The following PRKG1 variants were observed in gnomAD, a reference collection of about 807,000 sequenced individuals.
PRKG1 encodes cGMP-dependent protein kinase 1.
Under a neutral mutation model 88.1 loss-of-function variants are expected in PRKG1, and 35 were observed. The ratio of observed to expected loss-of-function variants is 0.40; its 90% CI spans 0.30 to 0.53. The LOEUF is 0.53. Among genes scored for constraint, PRKG1 ranks in the 20% least tolerant of loss-of-function variants. PRKG1 has a pLI of 0.59. For synonymous variants in PRKG1, 303 were observed against 292.5 expected (o/e 1.04, Z -0.37); for missense variants, 540 against 839.8 (o/e 0.64, Z 4.41).
intron 2 of PRKG1, among the ~76,000 whole-genome samples, chr10:51,367,432 T>C (rs1206923314): frequency 6.6e-6 from 1 of 151,976 alleles, no homozygotes; most frequent in Non-Finnish European, 1.5e-5. Context: ...AATGTGCGTA[T>C]GTACAAATGC....
intron 3 of PRKG1, among the ~76,000 whole-genome samples, chr10:51,520,486 C>T (rs996183738): frequency 2.9e-4 from 44 of 151,838 alleles, no homozygotes; most frequent in African/African-American, 1.0e-3. Context: ...GCATGAGGAA[C>T]GCAGGGCAGT....
At chr10:52,097,622 T>C (rs1208134670) in intron 7 of PRKG1, among the ~76,000 whole-genome samples, 1 of 152,126 alleles carries the variant, frequency 6.6e-6, no homozygotes, top group Non-Finnish European at 1.5e-5. Flanking sequence ...CTCAGTTCAT[T>C]AACATCTTCT....
chr10:51,995,050 T>C (rs1030224271), intron 5 of PRKG1, among the ~76,000 whole-genome samples: 2 of 150,786 alleles, frequency 1.3e-5, no homozygotes, highest in African/African-American at 4.8e-5. Context: ...TTAATATTCA[T>C]ACAAACTAGA....
intron 1 of PRKG1, among the ~76,000 whole-genome samples, chr10:51,098,723 C>T (rs1844604676): frequency 6.6e-6 from 1 of 152,210 alleles, no homozygotes; most frequent in African/African-American, 2.4e-5. Flanking sequence ...CCATGAAGGA[C>T]TCTTTACAAG....
intron 4 of PRKG1, among the ~76,000 whole-genome samples, chr10:51,881,828 A>C (rs569356291): frequency 6.6e-6 from 1 of 152,336 alleles, no homozygotes; most frequent in Non-Finnish European, 1.5e-5. Flanking sequence ...AGTCTTCACA[A>C]CAATATAATG....
In PRKG1 at chr10:52,251,905, A is replaced by G. The variant is rs10824300; in HGVS notation, c.1173+239A>G. ...CTTGCTTTTTAGAAAACCTCTTCAT[A>G]TTAAGTGTAAGGTAAACACATTTAC... On this transcript the variant is annotated intron_variant, in intron 10 of 17. Coordinates refer to ENST00000373980, the MANE Select transcript of PRKG1 (RefSeq NM_006258.4). The G allele has an allele frequency of 0.52, 210,144 of 400,648 alleles. 58,731 individuals carry two copies. The highest frequency in any genetic ancestry group is 0.61 in the Non-Finnish European group (135,433 of 222,556). The allele number at this position is 400,648 out of a possible 1,614,324, so 24.8% of individuals were successfully genotyped here.
At chr10:51,636,922 A>G (rs1050397675) in intron 3 of PRKG1, among the ~76,000 whole-genome samples, 6 of 152,182 alleles carry the variant, frequency 3.9e-5, no homozygotes, top group African/African-American at 1.2e-4. Context: ...ATTCTTGACT[A>G]GAGAGAATAA....
intron 3 of PRKG1, among the ~76,000 whole-genome samples, chr10:51,600,205 ATAC>A (rs1473957054): frequency 1.3e-5 from 2 of 152,100 alleles, no homozygotes; most frequent in African/African-American, 4.8e-5. Flanking sequence ...CCAAGTATTT[ATAC>A]CTCTGCCTTA....
intron 3 of PRKG1, among the ~76,000 whole-genome samples, chr10:51,756,495 A>AAAAT (rs1837866110): frequency 6.6e-6 from 1 of 151,326 alleles, no homozygotes; most frequent in Non-Finnish European, 1.5e-5. Context: ...AAAAAAAAAA[A>AAAAT]AAAAAGTCAG....
In PRKG1 at chr10:51,384,813, CT is replaced by C. The variant is rs1467371568; in HGVS notation, c.479-82908del. On this transcript the variant is annotated intron_variant, in intron 2 of 17. Transcript: ENST00000373980. ...TATTTCCATGGAATTCCCCGTAGCT[CT>C]TATAATGATACCAACTACACATGAA... Among the ~76,000 whole-genome samples the C allele has an allele frequency of 2.6e-5, 4 of 152,252 alleles. No homozygotes were observed. In the East Asian group the frequency reaches 7.7e-4, roughly 29 times the overall value.
At chr10:52,147,938 G>GA (rs1391503674) in intron 8 of PRKG1, among the ~76,000 whole-genome samples, 5 of 152,162 alleles carry the variant, frequency 3.3e-5, no homozygotes, top group Admixed American at 2.0e-4. Context: ...ATGACACTGA[G>GA]AAAAATGATG....
intron 14 of PRKG1, among the ~76,000 whole-genome samples, chr10:52,285,284 A>G (rs1230416060): frequency 6.6e-6 from 1 of 152,136 alleles, no homozygotes; most frequent in Non-Finnish European, 1.5e-5. Context: ...AGTGATTGGC[A>G]TTTATTGGAC....
chr10:51,386,834 C>A (rs1259869026), intron 2 of PRKG1, among the ~76,000 whole-genome samples: 1 of 152,076 alleles, frequency 6.6e-6, no homozygotes, highest in Non-Finnish European at 1.5e-5. Flanking sequence ...ACCACAAAGT[C>A]TTTGTGTTGG....
chr10:52,150,591 TG>T (rs910183938), intron 8 of PRKG1, among the ~76,000 whole-genome samples: 2 of 152,202 alleles, frequency 1.3e-5, no homozygotes, highest in African/African-American at 4.8e-5. Flanking sequence ...AATTATTTTT[TG>T]GGAAAAGTAT....
rs140977850 is a variant in PRKG1, at chr10:52,099,970, C to T, written c.936-33870C>T. ...TCATTATTCTTATTTATTTTATTATCGATGATGACAATGCTAGTATTCTTA... is the reference window on the plus strand; with the variant it reads ...TCATTATTCTTATTTATTTTATTATTGATGATGACAATGCTAGTATTCTTA... On this transcript the variant is annotated intron_variant, in intron 7 of 17. Transcript: ENST00000373980. Among the ~76,000 whole-genome samples the T allele has an allele frequency of 5.6e-3, 853 of 152,260 alleles. 5 individuals carry two copies. The highest frequency in any genetic ancestry group is 0.02 in the African/African-American group (816 of 41,538).
At chr10:52,240,476 A>G (rs1287352341) in intron 9 of PRKG1, among the ~76,000 whole-genome samples, 1 of 152,190 alleles carries the variant, frequency 6.6e-6, no homozygotes, top group Non-Finnish European at 1.5e-5. Context: ...ATCTGAATAA[A>G]AGTATGGAGT....
intron 2 of PRKG1, among the ~76,000 whole-genome samples, chr10:51,185,085 A>G (rs1240351184): frequency 1.3e-5 from 2 of 152,196 alleles, no homozygotes; most frequent in Non-Finnish European, 2.9e-5. Flanking sequence ...ACCAATATTT[A>G]GCTTATTTTA....
chr10:51,219,423 G>A (rs981336812), intron 2 of PRKG1, among the ~76,000 whole-genome samples: 5 of 152,014 alleles, frequency 3.3e-5, no homozygotes, highest in Admixed American at 6.6e-5. Flanking sequence ...AAGTAAAGGA[G>A]GAGCGGCCGG....
At chr10:51,891,386 C>G (rs925474488) in intron 4 of PRKG1, among the ~76,000 whole-genome samples, 1 of 152,110 alleles carries the variant, frequency 6.6e-6, no homozygotes, top group African/African-American at 2.4e-5. Context: ...ATTTTTGAAC[C>G]TATATTTCCA....
Sources: gnomAD v4.1 joint callset for allele counts (sites outside exome capture counted in the v4.1 genomes callset) on GRCh38, gnomAD v4.1.1 for gene constraint, MANE v1.5 for transcripts, NCBI Gene and HGNC (gene_info 2026-07-23, HGNC 2026-07-21) for gene names.